ARL15: variants seen among roughly 807,000 people sequenced by gnomAD.
The protein encoded by ARL15 is ARF like GTPase 15.
In ARL15, 19 loss-of-function variants were observed where a neutral mutation model predicts 25.2. The ratio of observed to expected loss-of-function variants is 0.75; its 90% CI spans 0.53 to 1.10. The LOEUF is 1.10. Among genes scored for constraint, ARL15 ranks in the 50% least tolerant of loss-of-function variants. The pLI is 0.00. For missense variants in ARL15, 220 were observed against 246.0 expected (o/e 0.89, Z 0.71); for synonymous variants, 94 against 86.8 (o/e 1.08, Z -0.46).
intron 1 of ARL15, among the ~76,000 whole-genome samples, chr5:54,261,092 GAATGTCAGAAGGT>G (rs1208696812): frequency 6.6e-6 from 1 of 152,168 alleles, no homozygotes; most frequent in Non-Finnish European, 1.5e-5. Context: ...GGAAGTGTGA[GAATGTCAGAAGGT>G]AACTTCACCA....
At chr5:54,231,010 T>TTCTCTCTCCTGCTCTCTGTTCCTCTTTC in intron 1 of ARL15, among the ~76,000 whole-genome samples, 1 of 152,134 alleles carries the variant, frequency 6.6e-6, no homozygotes, top group African/African-American at 2.4e-5. Context: ...AGTAGCCCAT[T>TTCTCTCTCCTGCTCTCTGTTCCTCTTTC]TCTCTCTCCT....
At chr5:54,091,166 T>C (rs1313105091) in intron 4 of ARL15, among the ~76,000 whole-genome samples, 2 of 152,196 alleles carry the variant, frequency 1.3e-5, no homozygotes, top group African/African-American at 4.8e-5. Context: ...GTACTACTTT[T>C]ATGTACTACC....
intron 4 of ARL15, among the ~76,000 whole-genome samples, chr5:54,074,559 C>A (rs553348217): frequency 6.6e-6 from 1 of 152,120 alleles, no homozygotes; most frequent in Non-Finnish European, 1.5e-5. Flanking sequence ...AAGTTTGATG[C>A]ATAAAGCTAT....
intron 4 of ARL15, among the ~76,000 whole-genome samples, chr5:53,896,690 G>C (rs1218357760): frequency 6.6e-6 from 1 of 151,926 alleles, no homozygotes. Flanking sequence ...TAGAGACGGG[G>C]TTTCACTGTG....
chr5:54,067,482 C>T (rs965708806), intron 4 of ARL15, among the ~76,000 whole-genome samples: 4 of 152,078 alleles, frequency 2.6e-5, no homozygotes, highest in African/African-American at 9.7e-5. Context: ...TCATCTTTTT[C>T]TTCATTTATT....
At chr5:54,024,996 G>C (rs531792799) in intron 4 of ARL15, among the ~76,000 whole-genome samples, 31 of 152,098 alleles carry the variant, frequency 2.0e-4, no homozygotes, top group Non-Finnish European at 3.7e-4. Context: ...TCTATTTGTA[G>C]TATGTGTGTT....
chr5:53,958,193 A>G (rs1264295993), intron 4 of ARL15, among the ~76,000 whole-genome samples: 1 of 142,032 alleles, frequency 7.0e-6, no homozygotes, highest in Non-Finnish European at 1.5e-5. Context: ...CAAAAAAAAG[A>G]AAAAAAAAAA....
At chr5:53,970,027 A>C (rs1747684433) in intron 4 of ARL15, among the ~76,000 whole-genome samples, 1 of 152,210 alleles carries the variant, frequency 6.6e-6, no homozygotes, top group African/African-American at 2.4e-5. Flanking sequence ...TGGAAGAAGT[A>C]AGTCCAAAGT....
At chr5:54,133,421 A>G (rs1400535073) in intron 3 of ARL15, among the ~76,000 whole-genome samples, 1 of 152,156 alleles carries the variant, frequency 6.6e-6, no homozygotes. Flanking sequence ...CCCCGAGGAG[A>G]GAGAAAGTGG....
intron 3 of ARL15, among the ~76,000 whole-genome samples, chr5:54,123,440 C>T (rs559579602): frequency 5.3e-5 from 8 of 152,246 alleles, no homozygotes; most frequent in Non-Finnish European, 8.8e-5. Context: ...AATACTGTTT[C>T]TTCTCTCTGA....
At chr5:53,923,945 C>T (rs1202844003) in intron 4 of ARL15, among the ~76,000 whole-genome samples, 1 of 152,134 alleles carries the variant, frequency 6.6e-6, no homozygotes, top group African/African-American at 2.4e-5. Flanking sequence ...AGACTTATAA[C>T]GACTTGTAAT....
intron 3 of ARL15, among the ~76,000 whole-genome samples, chr5:54,140,384 G>A (rs919521706): frequency 6.0e-5 from 9 of 151,084 alleles, no homozygotes; most frequent in Admixed American, 3.9e-4. Context: ...GAAATAAAGG[G>A]TTTAAATATA....
chr5:54,258,547 A>G (rs1425956376), intron 1 of ARL15, among the ~76,000 whole-genome samples: 1 of 152,168 alleles, frequency 6.6e-6, no homozygotes, highest in Non-Finnish European at 1.5e-5. Flanking sequence ...AGGAAGTCCT[A>G]GATCACAAGC....
chr5:54,310,526 A>T lies in ARL15; in HGVS notation c.-47T>A. On this transcript the variant is annotated 5_prime_UTR_variant, in exon 1 of 5. Coordinates refer to ENST00000504924, the MANE Select transcript of ARL15 (RefSeq NM_019087.3). ...AACGGCTCCGAACCCGGAAAAAAAA[A>T]GCAGCGTCTCTGGCTGCGAGCGAGC... 6.4e-7 allele frequency: 1 copy of T among 1,565,724 alleles called. No homozygotes were observed. Among genetic ancestry groups the T allele is most frequent in the East Asian group, 2.4e-5 (1 of 42,142 alleles).
chr5:53,897,544 T>A (rs537050560), intron 4 of ARL15, among the ~76,000 whole-genome samples: 1 of 152,248 alleles, frequency 6.6e-6, no homozygotes, highest in East Asian at 1.9e-4. Flanking sequence ...TATGAGCAGT[T>A]TTGTGTAAAC....
chr5:53,935,818 C>A (rs1055702644), intron 4 of ARL15, among the ~76,000 whole-genome samples: 3 of 152,066 alleles, frequency 2.0e-5, no homozygotes, highest in Admixed American at 2.0e-4. Context: ...TACAGTGGTG[C>A]GATCTCGGCA....
chr5:54,036,530 G>A (rs182269969), intron 4 of ARL15, among the ~76,000 whole-genome samples: 36 of 152,122 alleles, frequency 2.4e-4, no homozygotes, highest in Admixed American at 3.9e-4. Flanking sequence ...TATACCAAGC[G>A]TAGGACTCTG....
chr5:54,043,688 T>C (rs25858), intron 4 of ARL15, among the ~76,000 whole-genome samples: 46,040 of 151,948 alleles, frequency 0.3, 8,080 homozygotes, highest in African/African-American at 0.47. Flanking sequence ...ATCAGGCATA[T>C]TGCATATATC....
intron 4 of ARL15, among the ~76,000 whole-genome samples, chr5:53,981,108 C>T (rs985943623): frequency 6.6e-6 from 1 of 152,042 alleles, no homozygotes; most frequent in Admixed American, 6.5e-5. Context: ...AGAACGAACC[C>T]CGGTTTAGTC....
Sources: gnomAD v4.1 joint callset for allele counts (sites outside exome capture counted in the v4.1 genomes callset) on GRCh38, gnomAD v4.1.1 for gene constraint, MANE v1.5 for transcripts, NCBI Gene and HGNC (gene_info 2026-07-23, HGNC 2026-07-21) for gene names.